Variants in DAB1 observed in about 807,000 individuals in gnomAD.
DAB1 encodes DAB adaptor protein 1, also known as disabled homolog 1.
Under a neutral mutation model 64.6 loss-of-function variants are expected in DAB1, and 15 were observed. That is an observed-to-expected ratio of 0.23 (90% CI 0.16 to 0.36). DAB1 has a LOEUF of 0.36. Among genes scored for constraint, DAB1 ranks in the 10% least tolerant of loss-of-function variants. DAB1 has a pLI of 1.00. For synonymous variants in DAB1, 235 were observed against 251.9 expected, an observed-to-expected ratio of 0.93 and a Z score of 0.64; for missense variants, 596 against 706.7, an observed-to-expected ratio of 0.84 and a Z score of 1.78.
chr1:57,744,257 C>G (rs930555588), intron 6 of DAB1, among the ~76,000 whole-genome samples: 4 of 152,174 alleles, frequency 2.6e-5, no homozygotes, highest in Non-Finnish European at 5.9e-5. Flanking sequence ...TGTCAGGATG[C>G]AGGTTTAGCC....
intron 5 of DAB1, among the ~76,000 whole-genome samples, chr1:57,947,612 A>C (rs1440656719): frequency 6.6e-6 from 1 of 152,180 alleles, no homozygotes; most frequent in Non-Finnish European, 1.5e-5. Context: ...GGTATAGTCC[A>C]GTTTCCTAAG....
At chr1:58,013,214 G>C (rs563401589) in intron 5 of DAB1, among the ~76,000 whole-genome samples, 1 of 152,316 alleles carries the variant, frequency 6.6e-6, no homozygotes, top group South Asian at 2.1e-4. Flanking sequence ...CTGACTAATA[G>C]AGATTCAATT....
At chr1:57,023,963 T>TG (rs542816058) in intron 10 of DAB1, among the ~76,000 whole-genome samples, 5 of 152,246 alleles carry the variant, frequency 3.3e-5, no homozygotes, top group Admixed American at 2.0e-4. Context: ...CCCTACTCCC[T>TG]GGGGGGTGTT....
At chr1:57,974,264 C>A in intron 5 of DAB1, among the ~76,000 whole-genome samples, 1 of 152,126 alleles carries the variant, frequency 6.6e-6, no homozygotes, top group East Asian at 1.9e-4. Context: ...CATTTCATTA[C>A]CCCATTTTAT....
chr1:58,222,835 A>G lies in DAB1; in HGVS notation n.310-72247T>C, dbSNP rs116043214. Among the ~76,000 whole-genome samples, 983 of 152,322 alleles carry G rather than the reference A, an allele frequency of 6.5e-3. 14 individuals are homozygous for G. The highest frequency in any genetic ancestry group is 0.023 in the African/African-American group (954 of 41,584). On this transcript the variant is annotated intron_variant and non_coding_transcript_variant, in intron 4 of 20. Transcript: ENST00000485760. ...AGACTTCAGGCTAAGCATATTGTACATAGTACAGTGTATTTCCCAAACAGC... is the reference window on the plus strand; with the variant it reads ...AGACTTCAGGCTAAGCATATTGTACGTAGTACAGTGTATTTCCCAAACAGC...
At position 58,173,082 on chromosome 1, in the gene DAB1, C is replaced by T. The variant is rs183183894; in HGVS notation, n.310-22494G>A. 1.8e-3 allele frequency among the ~76,000 whole-genome samples: 276 copies of T among 152,308 alleles called. 2 individuals carry two copies. The Middle Eastern group carries it at 0.02, about 11-fold the overall frequency. On this transcript the variant is annotated intron_variant and non_coding_transcript_variant, in intron 4 of 20. Transcript: ENST00000485760. Reference sequence around the variant, plus strand: ...ACTGGGCAGATGCTGAGGCCAAAACCGCTGCCAGGCAGAACCTCCCATTAG... The same window carrying T: ...ACTGGGCAGATGCTGAGGCCAAAACTGCTGCCAGGCAGAACCTCCCATTAG...
intron 5 of DAB1, among the ~76,000 whole-genome samples, chr1:57,908,606 G>T (rs188046944): frequency 8.1e-6 from 1 of 124,168 alleles, no homozygotes; most frequent in East Asian, 2.3e-4. Context: ...CGCAGTCAGA[G>T]TCCTCAGGAA....
At chr1:57,593,623 T>C (rs1355216137) in intron 7 of DAB1, among the ~76,000 whole-genome samples, 4 of 152,170 alleles carry the variant, frequency 2.6e-5, no homozygotes, top group African/African-American at 9.7e-5. Flanking sequence ...TTCTTCAAGA[T>C]AGCTATAAAA....
intron 6 of DAB1, among the ~76,000 whole-genome samples, chr1:57,820,697 CCT>C (rs1384642108): frequency 6.6e-6 from 1 of 152,156 alleles, no homozygotes; most frequent in Non-Finnish European, 1.5e-5. Context: ...TTGCCTTTCC[CCT>C]CTTTGCCATA....
intron 5 of DAB1, among the ~76,000 whole-genome samples, chr1:57,984,264 A>AAAGAAAGAAAG (rs1557595236): frequency 2.1e-5 from 3 of 142,440 alleles, no homozygotes; most frequent in African/African-American, 8.1e-5. Flanking sequence ...AAGAAAGAAA[A>AAAGAAAGAAAG]AAAATTAAAC....
At chr1:58,326,643 G>A (rs561913597) in intron 4 of DAB1, among the ~76,000 whole-genome samples, 3 of 152,334 alleles carry the variant, frequency 2.0e-5, no homozygotes, top group African/African-American at 7.2e-5. Flanking sequence ...TGATAACACA[G>A]CATTGTTAGT....
intron 7 of DAB1, among the ~76,000 whole-genome samples, chr1:57,573,491 C>T (rs1298779957): frequency 2.0e-5 from 3 of 152,162 alleles, no homozygotes; most frequent in Non-Finnish European, 2.9e-5. Flanking sequence ...GAGCAAACTC[C>T]CAGCACCCAT....
chr1:58,219,402 CA>C (rs1286614676), intron 4 of DAB1, among the ~76,000 whole-genome samples: 1 of 152,204 alleles, frequency 6.6e-6, no homozygotes, highest in Non-Finnish European at 1.5e-5. Flanking sequence ...TCTGGACATG[CA>C]ACACCTCTGG....
In DAB1 at chr1:57,071,689, C is replaced by T. The variant is rs368753522; in HGVS notation, c.439-48G>A. ...ACATCATAAGGGAATGGTACTGAGA[C>T]GCAGCAACAAATTTTTGTTTTTGCG... is the stretch of plus-strand genomic sequence containing the variant. On this transcript the variant is annotated intron_variant, in intron 5 of 14. Transcript: ENST00000371236. 51 of 1,569,162 alleles carry T rather than the reference C, an allele frequency of 3.3e-5. No individual in the cohort carries two copies. The Admixed American group carries it at 4.6e-4, about 14-fold the overall frequency.
At chr1:57,161,923 T>G (rs1394506446) in intron 2 of DAB1, among the ~76,000 whole-genome samples, 3 of 152,204 alleles carry the variant, frequency 2.0e-5, no homozygotes, top group African/African-American at 7.2e-5. Context: ...ATTATATATG[T>G]TTTCCCATAT....
intron 3 of DAB1, among the ~76,000 whole-genome samples, chr1:58,351,670 G>A (rs139554248): frequency 6.6e-6 from 1 of 151,786 alleles, no homozygotes; most frequent in Non-Finnish European, 1.5e-5. Context: ...AGACGCCCAT[G>A]CCAATCTAGA....
chr1:57,921,542 T>C (rs1569997476), intron 5 of DAB1, among the ~76,000 whole-genome samples: 2 of 152,160 alleles, frequency 1.3e-5, no homozygotes, highest in African/African-American at 4.8e-5. Flanking sequence ...CTCAGAGCTG[T>C]CTTCACCTCC....
At chr1:58,410,370 TCCTGATGTGGC>T (rs1644656835) in intron 3 of DAB1, among the ~76,000 whole-genome samples, 1 of 152,214 alleles carries the variant, frequency 6.6e-6, no homozygotes, top group South Asian at 2.1e-4. Flanking sequence ...GGCTCCTTCA[TCCTGATGTGGC>T]CCTTTCTTCT....
intron 1 of DAB1, among the ~76,000 whole-genome samples, chr1:57,355,312 T>G (rs949434328): frequency 1.3e-5 from 2 of 151,818 alleles, no homozygotes; most frequent in Non-Finnish European, 2.9e-5. Context: ...ACCTACCTAC[T>G]TATCTATCTT....
Sources: allele counts gnomAD v4.1 joint callset (sites outside exome capture counted in the v4.1 genomes callset), GRCh38; gene constraint gnomAD v4.1.1; transcripts MANE v1.5; gene names NCBI Gene and HGNC (gene_info 2026-07-23, HGNC 2026-07-21).